Variants in KCNIP4 observed in about 807,000 individuals in gnomAD.
KCNIP4 encodes the protein Kv channel-interacting protein 4.
A neutral mutation model predicts 34.0 loss-of-function variants in KCNIP4; 12 were observed. The observed-to-expected ratio is 0.35, with a 90% CI of 0.23 to 0.57. The LOEUF is 0.57. Ranked by LOEUF, KCNIP4 falls within the 20% of genes least tolerant of loss-of-function variation. The pLI, the probability that KCNIP4 is intolerant of heterozygous loss-of-function variation, is 0.83. For synonymous variants in KCNIP4, 124 were observed against 102.2 expected, an observed-to-expected ratio of 1.21 and a Z score of -1.29; for missense variants, 238 against 311.7, an observed-to-expected ratio of 0.76 and a Z score of 1.78.
intron 2 of KCNIP4, among the ~76,000 whole-genome samples, chr4:20,872,252 G>T (rs1723553215): frequency 6.6e-6 from 1 of 152,134 alleles, no homozygotes; most frequent in Admixed American, 6.6e-5. Context: ...CCTCAAAGGA[G>T]AATGGTTTGC....
intron 1 of KCNIP4, among the ~76,000 whole-genome samples, chr4:21,306,567 C>T (rs759888686): frequency 9.9e-5 from 15 of 152,222 alleles, no homozygotes; most frequent in South Asian, 8.3e-4. Flanking sequence ...CCATTAACTC[C>T]GGTAACTTTG....
chr4:21,111,502 G>A (rs1287562760), intron 1 of KCNIP4, among the ~76,000 whole-genome samples: 1 of 152,170 alleles, frequency 6.6e-6, no homozygotes, highest in East Asian at 1.9e-4. Context: ...ATCCTTTGAA[G>A]TCCTTCTCAT....
At chr4:20,861,469 C>G (rs922821742) in intron 2 of KCNIP4, among the ~76,000 whole-genome samples, 1 of 152,100 alleles carries the variant, frequency 6.6e-6, no homozygotes, top group Non-Finnish European at 1.5e-5. Context: ...CAGACCAACC[C>G]GAGCAATTGG....
intron 1 of KCNIP4, among the ~76,000 whole-genome samples, chr4:21,501,832 T>C (rs1733379500): frequency 6.6e-6 from 1 of 151,980 alleles, no homozygotes; most frequent in South Asian, 2.1e-4. Flanking sequence ...TGCAGCAACC[T>C]CCTTTTTTAT....
chr4:21,757,604 G>T (rs1018765607), intron 1 of KCNIP4, among the ~76,000 whole-genome samples: 10 of 152,170 alleles, frequency 6.6e-5, no homozygotes, highest in African/African-American at 2.4e-4. Flanking sequence ...TTGAGCCAGA[G>T]ACTTGGAATC....
intron 1 of KCNIP4, among the ~76,000 whole-genome samples, chr4:21,866,244 A>C (rs1372809492): frequency 6.6e-6 from 1 of 152,200 alleles, no homozygotes; most frequent in African/African-American, 2.4e-5. Context: ...CTCTGGATTC[A>C]GGCAAATCAC....
chr4:21,437,246 A>AT (rs1329789736), intron 1 of KCNIP4, among the ~76,000 whole-genome samples: 1 of 152,084 alleles, frequency 6.6e-6, no homozygotes, highest in Non-Finnish European at 1.5e-5. Context: ...CACCCTATAT[A>AT]TTTTTTCTTT....
At chr4:21,816,725 T>A (rs773456232) in intron 1 of KCNIP4, among the ~76,000 whole-genome samples, 6 of 152,164 alleles carry the variant, frequency 3.9e-5, no homozygotes, top group Non-Finnish European at 7.3e-5. Context: ...CCCACCCCTA[T>A]AATTATTAGT....
intron 1 of KCNIP4, among the ~76,000 whole-genome samples, chr4:21,274,733 T>C (rs756052810): frequency 6.6e-6 from 1 of 152,166 alleles, no homozygotes; most frequent in Non-Finnish European, 1.5e-5. Flanking sequence ...AAAACATAAA[T>C]ATTCAAATAT....
At chr4:21,784,199 C>A (rs1272955338) in intron 1 of KCNIP4, among the ~76,000 whole-genome samples, 1 of 152,084 alleles carries the variant, frequency 6.6e-6, no homozygotes, top group Non-Finnish European at 1.5e-5. Context: ...AACCCACTCA[C>A]TATCACGAGA....
At chr4:21,791,636 A>T (rs940097398) in intron 1 of KCNIP4, among the ~76,000 whole-genome samples, 1 of 152,094 alleles carries the variant, frequency 6.6e-6, no homozygotes, top group Admixed American at 6.5e-5. Context: ...AGGAAAGTTG[A>T]CTGCTTTTTC....
chr4:21,553,110 A>G (rs1738709890), intron 1 of KCNIP4, among the ~76,000 whole-genome samples: 1 of 147,614 alleles, frequency 6.8e-6, no homozygotes, highest in Admixed American at 7.0e-5. Flanking sequence ...ACTAGTTGTA[A>G]AAGCCTAGAA....
At chr4:21,879,896 A>C (rs1726366239) in intron 1 of KCNIP4, among the ~76,000 whole-genome samples, 1 of 151,956 alleles carries the variant, frequency 6.6e-6, no homozygotes, top group Admixed American at 6.6e-5. Flanking sequence ...ATGAGATCTG[A>C]TGGTTTTATA....
chr4:20,912,194 CAG>C (rs1728390113), intron 1 of KCNIP4, among the ~76,000 whole-genome samples: 1 of 152,180 alleles, frequency 6.6e-6, no homozygotes, highest in African/African-American at 2.4e-5. Flanking sequence ...GTTCTATTAA[CAG>C]ATATGTTTTT....
chr4:21,189,383 T>C (rs1436888371), intron 1 of KCNIP4, among the ~76,000 whole-genome samples: 1 of 152,194 alleles, frequency 6.6e-6, no homozygotes, highest in Non-Finnish European at 1.5e-5. Flanking sequence ...TCTTATGTCA[T>C]CAAATGTCAA....
chr4:21,679,262 G>C (rs890740561), intron 1 of KCNIP4, among the ~76,000 whole-genome samples: 1 of 152,138 alleles, frequency 6.6e-6, no homozygotes, highest in Non-Finnish European at 1.5e-5. Flanking sequence ...TATTTACCCA[G>C]AGTATTTATC....
At chr4:21,235,649 G>C (rs956466745) in intron 1 of KCNIP4, among the ~76,000 whole-genome samples, 4 of 152,040 alleles carry the variant, frequency 2.6e-5, no homozygotes, top group African/African-American at 7.2e-5. Context: ...ACCTAACAGC[G>C]TATCATAAAC....
At chr4:21,924,741 A>G (rs1034561247) in intron 1 of KCNIP4, among the ~76,000 whole-genome samples, 1 of 151,884 alleles carries the variant, frequency 6.6e-6, no homozygotes, top group Admixed American at 6.6e-5. Flanking sequence ...TTTTCTCAAC[A>G]CTCACAGTGG....
intron 1 of KCNIP4, among the ~76,000 whole-genome samples, chr4:21,372,425 GAT>G (rs1720547709): frequency 6.9e-6 from 1 of 145,850 alleles, no homozygotes; most frequent in Non-Finnish European, 1.5e-5. Context: ...TACAGATATA[GAT>G]ATAGATGTGT....
Sources: allele counts gnomAD v4.1 joint callset (sites outside exome capture counted in the v4.1 genomes callset), GRCh38; gene constraint gnomAD v4.1.1; transcripts MANE v1.5; gene names NCBI Gene and HGNC (gene_info 2026-07-23, HGNC 2026-07-21).